Variants in MDN1 observed in about 807,000 individuals in gnomAD.
MDN1 encodes the protein midasin AAA ATPase 1, also known as midasin.
A neutral mutation model predicts 669.2 loss-of-function variants in MDN1; 266 were observed. The ratio of observed to expected loss-of-function variants is 0.40; its 90% confidence interval spans 0.36 to 0.44. The LOEUF (loss-of-function observed/expected upper bound fraction) is 0.44, where lower values mean the gene tolerates loss of function less well. Ranked by LOEUF, MDN1 falls within the 20% of genes least tolerant of loss-of-function variation. The pLI, the probability that MDN1 is intolerant of heterozygous loss-of-function variation, is 1.00. For missense variants in MDN1, 5,940 were observed against 6,754.0 expected (o/e 0.88, Z 4.22); for synonymous variants, 2,385 against 2,457.1 (o/e 0.97, Z 0.87).
At chr6:89,751,612 C>T (rs1246462046) in intron 22 of MDN1, 30 bp from the exon 23 acceptor site, 1 of 1,606,306 alleles carries the variant, frequency 6.2e-7, no homozygotes, top group African/African-American at 1.3e-5. Context: ...AAGGAATAAC[C>T]CACAGTTGTA....
Position 89,723,210 on chromosome 6 carries a change from G to A in MDN1, c.5779-67C>T, listed in dbSNP as rs897281536. 4.2e-6 allele frequency: 6 copies of A among 1,434,382 alleles called. No homozygotes were observed. In the Admixed American group the frequency reaches 5.8e-5, roughly 14 times the overall value. 88.9% of individuals were successfully genotyped at this position (1,434,382 alleles called of 1,614,324 possible). On this transcript the variant is annotated intron_variant, in intron 39 of 101. Transcript: ENST00000369393. ...CTACTAGGCACTGCATTAAGTACTA[G>A]GAATGTACTACAAAAGCATATGTAA...
chr6:89,692,420 C>A, intron 63 of MDN1, 23 bp downstream of exon 63: 1 of 1,581,536 alleles, frequency 6.3e-7, no homozygotes, highest in Non-Finnish European at 8.6e-7. Flanking sequence ...AAGGGCAGGG[C>A]AGGCCTCCCA....
Position 89,692,820 on chromosome 6 carries a change from T to G in MDN1, c.10210A>C (p.Ile3404Leu), listed in dbSNP as rs1311190077. 1.9e-6 allele frequency: 3 copies of G among 1,614,126 alleles called. No homozygotes were observed. The East Asian group carries it at 6.7e-5, about 36-fold the overall frequency. ...PDAVSPLQAS[I>L]LQLQHGMRLV... ...CTCATGCCATGTTGTAACTGCAATA[T>G]GGATGCCTGCAGTGGGCTCACGGCA... Residue 3404 changes from isoleucine to leucine, a missense_variant, in exon 63 of 102, where the codon ATA (isoleucine) becomes CTA (leucine). Ile to Leu is a conservative substitution (Grantham distance 5). This residue lies in a region of MDN1 where 150 missense variants were observed against 234.2 expected (regional missense o/e 0.64). Coordinates refer to ENST00000369393, the MANE Select transcript of MDN1 (RefSeq NM_014611.3).
chr6:89,796,679 T>C (rs1819628044), intron 2 of MDN1, among the ~76,000 whole-genome samples: 1 of 152,170 alleles, frequency 6.6e-6, no homozygotes, highest in South Asian at 2.1e-4. Context: ...GAGAAATCTC[T>C]GTACCTTCCT....
chr6:89,769,643 GTGA>G (rs1817982169), intron 15 of MDN1, among the ~76,000 whole-genome samples: 1 of 152,190 alleles, frequency 6.6e-6, no homozygotes, highest in Non-Finnish European at 1.5e-5. Context: ...CTTTTAATAA[GTGA>G]TGCTGACCTA....
chr6:89,808,838 G>A lies in MDN1; in HGVS notation c.103-5284C>T, dbSNP rs761635143. On this transcript the variant is annotated intron_variant, in intron 1 of 101. Transcript: ENST00000369393. ...CCTACCTTTCATCCAATGTTTGAAC[G>A]TTTTTCATATGGATTTTTTCCTCTT... 4.6e-5 allele frequency among the ~76,000 whole-genome samples: 7 copies of A among 152,232 alleles called. No homozygotes were observed. The East Asian group carries it at 5.8e-4, about 13-fold the overall frequency.
intron 40 of MDN1, among the ~76,000 whole-genome samples, chr6:89,721,116 C>A (rs1814785955): frequency 6.6e-6 from 1 of 152,150 alleles, no homozygotes; most frequent in African/African-American, 2.4e-5. Context: ...CCAGCCTAGG[C>A]AACAAAGTCA....
Position 89,738,318 on chromosome 6 carries a change from A to T in MDN1, c.4723+8T>A. Reference sequence around the variant, plus strand: ...CCAATACTACCATCACCACCTGCAAACTCTCACCTTTAGGATCTATTCTGC... The same window carrying T: ...CCAATACTACCATCACCACCTGCAATCTCTCACCTTTAGGATCTATTCTGC... On this transcript the variant is annotated splice_region_variant and intron_variant, in intron 33 of 101. Transcript: ENST00000369393. 1.9e-6 allele frequency: 3 copies of T among 1,613,160 alleles called. No homozygotes were observed. The South Asian group carries it at 3.3e-5, about 18-fold the overall frequency.
chr6:89,670,389 G>A (rs941100573), intron 83 of MDN1, among the ~76,000 whole-genome samples: 10 of 151,220 alleles, frequency 6.6e-5, no homozygotes, highest in Admixed American at 4.6e-4. Context: ...TATTGGTCAG[G>A]CTGGTCTCAA....
At position 89,790,161 on chromosome 6, in the gene MDN1, T is replaced by G. The variant is rs753723068; in HGVS notation, c.1096A>C (p.Lys366Gln). Residue 366 changes from lysine to glutamine, a missense_variant and splice_region_variant, in exon 6 of 102, where the codon AAG becomes CAG. Lys to Gln is a moderately conservative substitution (Grantham distance 53). Around this residue, in one of 5 missense-constraint regions of MDN1, gnomAD observed 1,203 missense variants for 1,268.9 expected, o/e 0.95. Transcript: ENST00000369393. ...KVQLGDQTDS[K>Q]MLLGMYRCTD... ...AAAACTTAACATTTCCTTATTACCTTACTGTCAGTCTGATCTCCAAGCTGG... is the reference window on the plus strand; with the variant it reads ...AAAACTTAACATTTCCTTATTACCTGACTGTCAGTCTGATCTCCAAGCTGG... The G allele has an allele frequency of 1.9e-6, 3 of 1,613,952 alleles. No homozygotes were observed. In the South Asian group the frequency reaches 3.3e-5, roughly 18 times the overall value.
At chr6:89,644,458 G>T (rs748329829) in intron 101 of MDN1, among the ~76,000 whole-genome samples, 7 of 152,130 alleles carry the variant, frequency 4.6e-5, no homozygotes, top group Admixed American at 6.5e-5. Flanking sequence ...CCCTACAGTG[G>T]TGTCTCCCCA....
chr6:89,672,734 CA>C lies in MDN1; in HGVS notation c.13475-33del, dbSNP rs764194358. On this transcript the variant is annotated intron_variant, in intron 80 of 101. Transcript: ENST00000369393. The stretch of plus-strand genomic sequence containing the variant: ...GGTAACATGGTGCAAAACAAACATA[CA>C]AACAAAAGACACCAATCATTTGCTT... 2.1e-5 allele frequency: 33 copies of C among 1,603,822 alleles called. No individual in the cohort carries two copies. In the Middle Eastern group the frequency reaches 5.0e-4, roughly 24 times the overall value.
At chr6:89,680,948 T>C (rs1811575437) in intron 73 of MDN1, among the ~76,000 whole-genome samples, 197 bp from the exon 74 acceptor site, 1 of 152,202 alleles carries the variant, frequency 6.6e-6, no homozygotes, top group Non-Finnish European at 1.5e-5. Flanking sequence ...ATGAGATCAT[T>C]ATAACTGAAG....
intron 101 of MDN1, 50 bp downstream of exon 101, chr6:89,644,965 G>C: frequency 6.5e-7 from 1 of 1,549,986 alleles, no homozygotes; most frequent in Non-Finnish European, 8.8e-7. Context: ...ACAGGTTGAA[G>C]GGAATCCCCA....
intron 9 of MDN1, 99 bp downstream of exon 9, chr6:89,784,913 T>C: frequency 1.3e-6 from 1 of 747,538 alleles, no homozygotes; most frequent in East Asian, 2.6e-5. Context: ...CTGCAAAATT[T>C]AGGTTGATGA....
intron 8 of MDN1, among the ~76,000 whole-genome samples, chr6:89,787,592 C>A (rs4707567): frequency 0.17 from 25,816 of 151,782 alleles, 2,267 homozygotes; most frequent in East Asian, 0.22. Context: ...AATAACCTCA[C>A]CTCTGATTAT....
At chr6:89,696,883 G>A (rs1448094832) in intron 59 of MDN1, among the ~76,000 whole-genome samples, 2 of 152,170 alleles carry the variant, frequency 1.3e-5, no homozygotes, top group African/African-American at 2.4e-5. Context: ...CCAACTCAGG[G>A]TGCAAGGAAA....
At chr6:89,670,170 A>ATATTTTTTT (rs1444537561) in intron 83 of MDN1, among the ~76,000 whole-genome samples, 10 of 23,410 alleles carry the variant, frequency 4.3e-4, no homozygotes, top group East Asian at 0.013. Flanking sequence ...ATATATATAT[A>ATATTTTTTT]TTTTTTTTTT....
At chr6:89,676,871 A>T (rs1811227664) in intron 76 of MDN1, among the ~76,000 whole-genome samples, 1 of 152,180 alleles carries the variant, frequency 6.6e-6, no homozygotes, top group Non-Finnish European at 1.5e-5. Context: ...GCCTGTCTCA[A>T]TAGTGTATGG....
Sources: allele counts gnomAD v4.1 joint callset (sites outside exome capture counted in the v4.1 genomes callset), GRCh38; gene constraint gnomAD v4.1.1; regional missense constraint gnomAD v4.1.1; transcripts MANE v1.5; gene names NCBI Gene and HGNC (gene_info 2026-07-23, HGNC 2026-07-21).